The following CACNA1B variants were observed in gnomAD, a reference collection of about 807,000 sequenced individuals.
CACNA1B encodes calcium voltage-gated channel subunit alpha1 B.
In CACNA1B, 70 loss-of-function variants were observed where a neutral mutation model predicts 247.2. The ratio of observed to expected loss-of-function variants is 0.28; its 90% confidence interval spans 0.23 to 0.35. CACNA1B has a LOEUF of 0.35. Among genes scored for constraint, CACNA1B ranks in the 10% least tolerant of loss-of-function variants. The pLI is 1.00. For synonymous variants in CACNA1B, 1,231 were observed against 1,294.4 expected (o/e 0.95, Z 1.05); for missense variants, 2,367 against 3,197.4 (o/e 0.74, Z 6.26).
At position 138,073,959 on chromosome 9, in the gene CACNA1B, G is replaced by A. The variant is rs771168233; in HGVS notation, c.4792-42G>A. The A allele has an allele frequency of 1.0e-5, 16 of 1,555,294 alleles. No individual in the cohort carries two copies. The highest frequency in any genetic ancestry group is 1.3e-5 in the Non-Finnish European group (15 of 1,132,938). ...CCGTAGCAGGAGGCCTGGGCGTGGT[G>A]GCTGGGAGGTGCCTGTAGCTGACCG... On this transcript the variant is annotated intron_variant, in intron 33 of 46. Coordinates refer to ENST00000371372, the MANE Select transcript of CACNA1B (RefSeq NM_000718.4). The surrounding 1 kb of genome is among the most constrained non-coding windows in gnomAD (Gnocchi z 6.4).
chr9:138,049,459 G>T (rs932394231), intron 24 of CACNA1B, 144 bp downstream of exon 24: 20 of 674,350 alleles, frequency 3.0e-5, no homozygotes, highest in Non-Finnish European at 5.4e-5. Context: ...GACTGTCCCT[G>T]CCTGCTTGGG....
chr9:137,884,957 T>TCCCCCCCCCCCCCCCCCCCCCCCTTCC (rs370592773), intron 3 of CACNA1B, among the ~76,000 whole-genome samples: 2 of 60,436 alleles, frequency 3.3e-5, no homozygotes. Context: ...TCTCCCCTCT[T>TCCCCCCCCCCCCCCCCCCCCCCCTTCC]CCCCCCCCCC....
At chr9:137,903,695 TA>T (rs1957265479) in intron 3 of CACNA1B, among the ~76,000 whole-genome samples, 4 of 152,194 alleles carry the variant, frequency 2.6e-5, no homozygotes, top group African/African-American at 9.7e-5. Context: ...AATAAATATA[TA>T]TTCTGTCTGT....
chr9:138,040,061 C>G (rs1959097892), intron 20 of CACNA1B, among the ~76,000 whole-genome samples: 1 of 152,162 alleles, frequency 6.6e-6, no homozygotes, highest in South Asian at 2.1e-4. Context: ...ACCTCAGCCT[C>G]TGCAGTAGTT....
intron 10 of CACNA1B, among the ~76,000 whole-genome samples, chr9:137,961,128 CT>C (rs1257659614): frequency 6.6e-6 from 1 of 151,920 alleles, no homozygotes; most frequent in Non-Finnish European, 1.5e-5. Context: ...AGCTTTATTC[CT>C]AGGTATTTTA....
chr9:138,094,024 T>A (rs1343443109), intron 36 of CACNA1B, among the ~76,000 whole-genome samples: 1 of 152,212 alleles, frequency 6.6e-6, no homozygotes, highest in Non-Finnish European at 1.5e-5. Flanking sequence ...GGAACACCAG[T>A]TTCCATCAAC....
At chr9:138,022,805 T>TGGGG (rs71387879) in intron 18 of CACNA1B, among the ~76,000 whole-genome samples, 2 of 132,036 alleles carry the variant, frequency 1.5e-5, no homozygotes, top group Admixed American at 1.5e-4. Flanking sequence ...TGGGACACCG[T>TGGGG]GGGGGGGGGG....
chr9:138,007,767 C>G lies in CACNA1B; in HGVS notation c.2092+883C>G, dbSNP rs1418951299. Among the ~76,000 whole-genome samples, 1 of 152,144 alleles carries G rather than the reference C, an allele frequency of 6.6e-6. No individual in the cohort carries two copies. The highest frequency in any genetic ancestry group is 1.5e-5 in the Non-Finnish European group (1 of 68,022). ...TGTGACAGAACACCCCACAGGGCCCCGAGGAGCTGGAGACAATGTCTCACA... is the reference window on the plus strand; with the variant it reads ...TGTGACAGAACACCCCACAGGGCCCGGAGGAGCTGGAGACAATGTCTCACA... On this transcript the variant is annotated intron_variant, in intron 16 of 46. Transcript: ENST00000371372. This position sits in a 1 kb window ranked among gnomAD's most constrained non-coding sequence, Gnocchi z 4.1.
chr9:137,893,446 C>T (rs182420828), intron 3 of CACNA1B, among the ~76,000 whole-genome samples: 165 of 149,660 alleles, frequency 1.1e-3, no homozygotes, highest in African/African-American at 3.7e-3. Context: ...GTCAGGAGTT[C>T]GAGACCAGCC....
At chr9:138,001,624 AAAAC>A (rs1234233078) in intron 15 of CACNA1B, among the ~76,000 whole-genome samples, 6 of 152,154 alleles carry the variant, frequency 3.9e-5, no homozygotes, top group Non-Finnish European at 8.8e-5. Context: ...GGAATAGAAA[AAAAC>A]TATTATTATT....
At chr9:137,979,751 G>A (rs1265331889) in intron 12 of CACNA1B, among the ~76,000 whole-genome samples, 1 of 152,214 alleles carries the variant, frequency 6.6e-6, no homozygotes, top group Non-Finnish European at 1.5e-5. Flanking sequence ...GTCCAGGTGT[G>A]GGTGAGACTC....
At chr9:137,884,534 CCT>C (rs1331741945) in intron 3 of CACNA1B, among the ~76,000 whole-genome samples, 1 of 145,088 alleles carries the variant, frequency 6.9e-6, no homozygotes, top group African/African-American at 2.6e-5. Context: ...GCTGTTTACC[CCT>C]CTCTCTCCCT....
intron 3 of CACNA1B, among the ~76,000 whole-genome samples, chr9:137,911,921 C>G (rs1422522013): frequency 6.6e-6 from 1 of 152,080 alleles, no homozygotes; most frequent in Non-Finnish European, 1.5e-5. Context: ...TTGGTTTAAA[C>G]AATAGGTGAC....
At chr9:138,105,938 G>A (rs1961409725) in intron 39 of CACNA1B, 131 bp downstream of exon 39, 1 of 619,586 alleles carries the variant, frequency 1.6e-6, no homozygotes, top group Non-Finnish European at 2.9e-6. Context: ...TCTGAGGACA[G>A]CTGCACAGGA....
intron 40 of CACNA1B, among the ~76,000 whole-genome samples, chr9:138,113,559 A>G (rs1269994578): frequency 1.3e-4 from 9 of 70,906 alleles, no homozygotes; most frequent in Admixed American, 3.0e-4. Flanking sequence ...GGAGCGCAGG[A>G]AGGTGCCCAA....
In CACNA1B at chr9:138,072,471, T is replaced by C. The variant is rs1960166317; in HGVS notation, c.4675-1017T>C. Among the ~76,000 whole-genome samples the C allele has an allele frequency of 6.6e-6, 1 of 152,256 alleles. No homozygotes were observed. Among genetic ancestry groups the C allele is most frequent in the East Asian group, 1.9e-4 (1 of 5,206 alleles). On this transcript the variant is annotated intron_variant, in intron 32 of 46. Transcript: ENST00000371372. The surrounding 1 kb of genome is among the most constrained non-coding windows in gnomAD (Gnocchi z 4.5). ...TGCTGCTGCTGTCTCATTTGACATC[T>C]GTGTTCTCTTTATTTGATGACTGAA...
At chr9:137,941,601 A>G (rs1454710209) in intron 6 of CACNA1B, among the ~76,000 whole-genome samples, 1 of 152,190 alleles carries the variant, frequency 6.6e-6, no homozygotes, top group East Asian at 1.9e-4. Flanking sequence ...ACCTCAAACT[A>G]TAGTATAAGG....
intron 42 of CACNA1B, among the ~76,000 whole-genome samples, chr9:138,117,229 G>A (rs1020040670): frequency 2.6e-5 from 4 of 151,774 alleles, no homozygotes; most frequent in African/African-American, 4.9e-5. Flanking sequence ...GGTGGCCTCC[G>A]CCAGAAGGCT....
rs1231410449 is a variant in CACNA1B at position 137,954,749 on chromosome 9, C to G, written c.1071-949C>G. Among the ~76,000 whole-genome samples the G allele has an allele frequency of 1.3e-5, 2 of 152,100 alleles. No individual in the cohort carries two copies. Among genetic ancestry groups the G allele is most frequent in the Non-Finnish European group, 2.9e-5 (2 of 68,014 alleles). On this transcript the variant is annotated intron_variant, in intron 7 of 46. Transcript: ENST00000371372. The surrounding 1 kb of genome is among the most constrained non-coding windows in gnomAD (Gnocchi z 4.1). Reference sequence around the variant, plus strand: ...GTAGCAGCTCAGTGCCTAGCGGACACTGGCCCTGCGCCCAGGGTCAGTCAC... The same window carrying G: ...GTAGCAGCTCAGTGCCTAGCGGACAGTGGCCCTGCGCCCAGGGTCAGTCAC...
Sources: gnomAD v4.1 joint callset for allele counts (sites outside exome capture counted in the v4.1 genomes callset) on GRCh38, gnomAD v4.1.1 for gene constraint, Gnocchi (gnomAD v3.1) non-coding constraint, MANE v1.5 for transcripts, NCBI Gene and HGNC (gene_info 2026-07-23, HGNC 2026-07-21) for gene names.